The following DNAJB6 variants were observed in gnomAD, a reference collection of about 807,000 sequenced individuals.
DNAJB6 encodes dnaJ homolog subfamily B member 6.
A neutral mutation model predicts 42.7 loss-of-function variants in DNAJB6; 16 were observed. The ratio of observed to expected loss-of-function variants is 0.37; its 90% confidence interval spans 0.25 to 0.57. DNAJB6 has a LOEUF of 0.57. DNAJB6 is among the 20% of genes least tolerant of loss of function. The probability of loss-of-function intolerance (pLI) is 0.74; values close to 1 mark genes in which losing one functional copy is unlikely to be tolerated. For missense variants in DNAJB6, 347 were observed against 416.8 expected, an observed-to-expected ratio of 0.83 and a Z score of 1.46; for synonymous variants, 170 against 163.5, an observed-to-expected ratio of 1.04 and a Z score of -0.30.
rs550622647 is a variant in DNAJB6, at chr7:157,344,640, G to C, written c.-27+7496G>C. Among the ~76,000 whole-genome samples the C allele has an allele frequency of 1.1e-4, 17 of 152,050 alleles. No homozygotes were observed. In the East Asian group the frequency reaches 3.3e-3, roughly 29 times the overall value. On this transcript the variant is annotated intron_variant, in intron 1 of 9. Coordinates refer to ENST00000262177, the MANE Select transcript of DNAJB6 (RefSeq NM_058246.4). ...AAAAAATTTATTATTTTTGTGACAGGGTCTTGCTCCGTTACGTAGGCTGGA... is the reference window on the plus strand; with the variant it reads ...AAAAAATTTATTATTTTTGTGACAGCGTCTTGCTCCGTTACGTAGGCTGGA...
At chr7:157,339,179 A>C (rs757769911) in intron 1 of DNAJB6, among the ~76,000 whole-genome samples, 17 of 147,898 alleles carry the variant, frequency 1.1e-4, no homozygotes, top group African/African-American at 4.2e-4. Flanking sequence ...ATTCCCTTCT[A>C]TTAACTCTGT....
chr7:157,386,898 A>C (rs1264862316), intron 8 of DNAJB6, among the ~76,000 whole-genome samples: 1 of 151,848 alleles, frequency 6.6e-6, no homozygotes, highest in Admixed American at 6.6e-5. Context: ...AAAAAAAAAA[A>C]TCACTTTGGG....
chr7:157,374,602 C>T (rs918936170), intron 5 of DNAJB6, among the ~76,000 whole-genome samples: 1 of 152,022 alleles, frequency 6.6e-6, no homozygotes, highest in Non-Finnish European at 1.5e-5. Context: ...AGGATGGGTG[C>T]CATGTTAGTG....
chr7:157,353,559 G>A (rs1454618981), intron 1 of DNAJB6, among the ~76,000 whole-genome samples: 4 of 149,356 alleles, frequency 2.7e-5, no homozygotes, highest in Non-Finnish European at 1.5e-5. Context: ...GTTACAGGTT[G>A]TCTGTCCCGT....
chr7:157,362,219 T>A (rs1051659168), intron 2 of DNAJB6, among the ~76,000 whole-genome samples: 1 of 152,208 alleles, frequency 6.6e-6, no homozygotes, highest in Non-Finnish European at 1.5e-5. Context: ...GATTCTGAGA[T>A]CCTGGCCTGT....
chr7:157,404,314 A>G (rs1457081946), intron 8 of DNAJB6, among the ~76,000 whole-genome samples: 5 of 149,450 alleles, frequency 3.3e-5, no homozygotes, highest in African/African-American at 1.2e-4. Flanking sequence ...TTTTTGAGAC[A>G]AAGTCTTAAT....
At chr7:157,360,466 C>T (rs1192848228) in intron 2 of DNAJB6, among the ~76,000 whole-genome samples, 1 of 152,162 alleles carries the variant, frequency 6.6e-6, no homozygotes, top group East Asian at 1.9e-4. Context: ...GTGTACAGTG[C>T]TTTCAGTAAT....
chr7:157,391,649 G>C (rs1407427158), intron 8 of DNAJB6, among the ~76,000 whole-genome samples: 1 of 152,246 alleles, frequency 6.6e-6, no homozygotes, highest in Non-Finnish European at 1.5e-5. Flanking sequence ...CACCCACTGG[G>C]TCTCAGCCCA....
intron 8 of DNAJB6, among the ~76,000 whole-genome samples, chr7:157,390,709 C>T (rs1166861047): frequency 6.6e-6 from 1 of 152,196 alleles, no homozygotes; most frequent in Non-Finnish European, 1.5e-5. Flanking sequence ...CCTCTGCCTT[C>T]CCACAGCTGC....
intron 9 of DNAJB6, chr7:157,415,264 T>A (rs1257761049): frequency 6.6e-6 from 1 of 152,180 alleles, no homozygotes; most frequent in Non-Finnish European, 1.5e-5. Context: ...AATCCAGAGG[T>A]GTTTATTTCT....
intron 8 of DNAJB6, among the ~76,000 whole-genome samples, chr7:157,406,143 C>T (rs1358700006): frequency 6.6e-6 from 1 of 152,248 alleles, no homozygotes; most frequent in East Asian, 1.9e-4. Flanking sequence ...GCTGGTGACC[C>T]CTGCTGGCAC....
chr7:157,374,202 C>G (rs1370061192), intron 5 of DNAJB6, among the ~76,000 whole-genome samples: 1 of 152,124 alleles, frequency 6.6e-6, no homozygotes, highest in Non-Finnish European at 1.5e-5. Flanking sequence ...ATGCCAAACT[C>G]ATGTATGGTT....
chr7:157,381,464 A>T (rs1005380941), intron 5 of DNAJB6: 1 of 152,192 alleles, frequency 6.6e-6, no homozygotes, highest in African/African-American at 2.4e-5. Context: ...GTACTCATTG[A>T]TTGATAACAG....
intron 9 of DNAJB6, chr7:157,410,247 C>A (rs1297371633): frequency 1.1e-6 from 1 of 899,418 alleles, no homozygotes; most frequent in Non-Finnish European, 1.5e-6. Context: ...CAGCGTGTTG[C>A]TCCGCAAAGG....
chr7:157,343,968 G>A (rs1365118284), intron 1 of DNAJB6, among the ~76,000 whole-genome samples: 1 of 152,048 alleles, frequency 6.6e-6, no homozygotes, highest in African/African-American at 2.4e-5. Context: ...TTTCTTAATT[G>A]AAAAGTTTTC....
intron 5 of DNAJB6, among the ~76,000 whole-genome samples, chr7:157,370,100 CA>C (rs1800109099): frequency 6.9e-6 from 1 of 144,606 alleles, no homozygotes; most frequent in African/African-American, 2.7e-5. Context: ...TATTATTAAA[CA>C]GGCCCCTTCT....
Position 157,416,243 on chromosome 7 carries a change from C to G in DNAJB6, c.*145C>G. The stretch of plus-strand genomic sequence containing the variant: ...TCGGCAGGATTATGCGATCACGGAT[C>G]AGTCAGAGCAGGGTCAGGAGACGGG... On this transcript the variant is annotated 3_prime_UTR_variant, in exon 10 of 10. Transcript: ENST00000262177. 7.5e-7 allele frequency: 1 copy of G among 1,336,988 alleles called. No homozygotes were observed. The highest frequency in any genetic ancestry group is 1.0e-6 in the Non-Finnish European group (1 of 980,064). The allele number at this position is 1,336,988 out of a possible 1,614,324, so 82.8% of individuals were successfully genotyped here. A position where few individuals can be genotyped will look rare whatever the true frequency, so the allele number is the denominator to read the frequency against.
rs143051731 is a variant in DNAJB6 at position 157,382,316 on chromosome 7, G to A, written c.417G>A (p.Ser139=). Reference sequence around the variant, plus strand: ...GAAGCAGAAGCCGAGGGACGGGGTCGTTTTTCTCTGCGTTCAGTGGATTTC... The same window carrying A: ...GAAGCAGAAGCCGAGGGACGGGGTCATTTTTCTCTGCGTTCAGTGGATTTC... The part of the protein sequence containing the change: ...PRGSRSRGTG[S]FFSAFSGFPS... The change falls in exon 6 of 10, where the codon TCG becomes TCA. Residue 139 remains serine, a synonymous_variant. Transcript: ENST00000262177. 211 of 1,612,038 alleles carry A rather than the reference G, an allele frequency of 1.3e-4. No homozygotes were observed. In the African/African-American group the frequency reaches 2.1e-3, roughly 16 times the overall value.
chr7:157,385,979 T>C (rs1801037387), intron 8 of DNAJB6: 1 of 915,578 alleles, frequency 1.1e-6, no homozygotes, highest in South Asian at 4.8e-5. Flanking sequence ...TGCTTTTCAT[T>C]GTGTCTGAAA....
Sources: allele counts gnomAD v4.1 joint callset (sites outside exome capture counted in the v4.1 genomes callset), GRCh38; gene constraint gnomAD v4.1.1; transcripts MANE v1.5; gene names NCBI Gene and HGNC (gene_info 2026-07-23, HGNC 2026-07-21).